The following DNER variants were observed in gnomAD, a reference collection of about 807,000 sequenced individuals.
The protein encoded by DNER is delta and Notch-like epidermal growth factor-related receptor.
In DNER, 33 loss-of-function variants were observed where a neutral mutation model predicts 78.2. That is an observed-to-expected ratio of 0.42 (90% CI 0.32 to 0.56). The LOEUF (loss-of-function observed/expected upper bound fraction) is 0.56. DNER is among the 20% of genes least tolerant of loss of function. The pLI is 0.11. For synonymous variants in DNER, 417 were observed against 384.8 expected, an observed-to-expected ratio of 1.08 and a Z score of -0.98; for missense variants, 918 against 975.3, an observed-to-expected ratio of 0.94 and a Z score of 0.78.
In DNER at chr2:229,542,068, CAT is replaced by C. The variant is rs112578701; in HGVS notation, c.993+4877_993+4878del. 5.2e-3 allele frequency among the ~76,000 whole-genome samples: 791 copies of C among 150,788 alleles called. 13 individuals carry two copies. Among genetic ancestry groups the C allele is most frequent in the African/African-American group, 0.018 (753 of 41,126 alleles). ...ATACAAATTTCTTGACCTAGAGAGA[CAT>C]AGTCCATGGAATCTAATTTGGATCT... On this transcript the variant is annotated intron_variant, in intron 5 of 12. Transcript: ENST00000341772.
intron 6 of DNER, among the ~76,000 whole-genome samples, chr2:229,478,011 A>C (rs1000347221): frequency 6.6e-6 from 1 of 152,238 alleles, no homozygotes; most frequent in Non-Finnish European, 1.5e-5. Flanking sequence ...TTTGAAAACA[A>C]AGCCCCTGGA....
At chr2:229,583,389 T>A (rs538606270) in intron 4 of DNER, among the ~76,000 whole-genome samples, 1 of 152,384 alleles carries the variant, frequency 6.6e-6, no homozygotes, top group East Asian at 1.9e-4. Flanking sequence ...AAGCCTGTTT[T>A]ATAATAAAGT....
chr2:229,491,179 C>T (rs530585320), intron 6 of DNER, among the ~76,000 whole-genome samples: 2 of 152,320 alleles, frequency 1.3e-5, no homozygotes, highest in South Asian at 4.1e-4. Flanking sequence ...TTCAAACACG[C>T]TGGGCATATT....
intron 1 of DNER, among the ~76,000 whole-genome samples, chr2:229,704,089 C>T (rs1031402550): frequency 6.6e-6 from 1 of 152,126 alleles, no homozygotes; most frequent in Non-Finnish European, 1.5e-5. Context: ...TAGCAAATAG[C>T]ATATGAAAAG....
At chr2:229,484,324 C>T (rs1473014955) in intron 6 of DNER, among the ~76,000 whole-genome samples, 1 of 152,206 alleles carries the variant, frequency 6.6e-6, no homozygotes, top group Admixed American at 6.5e-5. Context: ...AATCACCTTG[C>T]TGCCATCATG....
At chr2:229,684,169 A>AGAGAGAGAGAGTGT in intron 1 of DNER, among the ~76,000 whole-genome samples, 1 of 94,642 alleles carries the variant, frequency 1.1e-5, no homozygotes, top group African/African-American at 4.5e-5. Context: ...AGAGAGAGAG[A>AGAGAGAGAGAGTGT]GTGTGTGTGT....
intron 1 of DNER, among the ~76,000 whole-genome samples, chr2:229,702,737 G>A (rs760053756): frequency 6.6e-6 from 1 of 151,020 alleles, no homozygotes; most frequent in Non-Finnish European, 1.5e-5. Flanking sequence ...CTAACACGGT[G>A]AAACCCCATC....
chr2:229,598,444 T>C (rs1697764139), intron 1 of DNER, among the ~76,000 whole-genome samples: 1 of 152,216 alleles, frequency 6.6e-6, no homozygotes, highest in Admixed American at 6.5e-5. Flanking sequence ...TCAGAGACGT[T>C]AACTTGGACT....
chr2:229,480,355 G>C (rs1359216050), intron 6 of DNER, among the ~76,000 whole-genome samples: 1 of 152,082 alleles, frequency 6.6e-6, no homozygotes, highest in African/African-American at 2.4e-5. Flanking sequence ...CAAAAGGGGA[G>C]TTTTTTAAAG....
intron 1 of DNER, among the ~76,000 whole-genome samples, chr2:229,702,972 T>C (rs561656451): frequency 6.7e-6 from 1 of 149,408 alleles, no homozygotes; most frequent in South Asian, 2.1e-4. Flanking sequence ...AATTCTACCC[T>C]GTTTTGGAGG....
At chr2:229,472,569 C>G (rs539637607) in intron 7 of DNER, among the ~76,000 whole-genome samples, 129 of 152,112 alleles carry the variant, frequency 8.5e-4, no homozygotes, top group African/African-American at 2.8e-3. Flanking sequence ...TATTTAAATA[C>G]CAATATGCAG....
intron 1 of DNER, among the ~76,000 whole-genome samples, chr2:229,627,587 T>C (rs1185778411): frequency 6.6e-6 from 1 of 152,158 alleles, no homozygotes; most frequent in African/African-American, 2.4e-5. Context: ...GACACAAAGA[T>C]TGCATCAATG....
At chr2:229,588,133 G>A (rs1697534127) in intron 3 of DNER, among the ~76,000 whole-genome samples, 1 of 152,178 alleles carries the variant, frequency 6.6e-6, no homozygotes, top group South Asian at 2.1e-4. Context: ...TCTTATCTAA[G>A]GCCTCACGGT....
At chr2:229,695,631 T>G (rs1310135147) in intron 1 of DNER, among the ~76,000 whole-genome samples, 2 of 152,118 alleles carry the variant, frequency 1.3e-5, no homozygotes, top group Admixed American at 6.5e-5. Context: ...TAAACATCTA[T>G]AAAATGCATT....
At chr2:229,641,364 CA>C (rs1354826639) in intron 1 of DNER, among the ~76,000 whole-genome samples, 1 of 152,140 alleles carries the variant, frequency 6.6e-6, no homozygotes, top group Non-Finnish European at 1.5e-5. Flanking sequence ...CAAAATCAGA[CA>C]TGACAGATTT....
At chr2:229,605,309 A>C (rs1243323104) in intron 1 of DNER, among the ~76,000 whole-genome samples, 1 of 152,108 alleles carries the variant, frequency 6.6e-6, no homozygotes, top group Non-Finnish European at 1.5e-5. Flanking sequence ...ACCCACCACC[A>C]CCTTAATTCT....
intron 1 of DNER, among the ~76,000 whole-genome samples, chr2:229,634,254 TTTCC>T (rs200415124): frequency 0.011 from 1,637 of 152,192 alleles, 30 homozygotes; most frequent in African/African-American, 0.036. Context: ...TTTTTCCTTC[TTTCC>T]TTCCTTCCTT....
intron 4 of DNER, among the ~76,000 whole-genome samples, chr2:229,550,868 T>G (rs1696722349): frequency 6.6e-6 from 1 of 152,234 alleles, no homozygotes; most frequent in African/African-American, 2.4e-5. Context: ...TCACCTTGCC[T>G]GCATGGTACC....
At chr2:229,431,096 C>T (rs754534340) in intron 8 of DNER, among the ~76,000 whole-genome samples, 34 of 152,090 alleles carry the variant, frequency 2.2e-4, no homozygotes, top group Non-Finnish European at 2.2e-4. Context: ...AATTCTGTAA[C>T]TTCTGTAGAT....
Sources: allele counts gnomAD v4.1 joint callset (sites outside exome capture counted in the v4.1 genomes callset), GRCh38; gene constraint gnomAD v4.1.1; transcripts MANE v1.5; gene names NCBI Gene and HGNC (gene_info 2026-07-23, HGNC 2026-07-21).